Variants in FBXO15 observed in about 807,000 individuals in gnomAD.
The protein encoded by FBXO15 is F-box only protein 15.
FBXO15 carries 30 observed loss-of-function variants against 49.5 expected under a neutral mutation model. The ratio of observed to expected loss-of-function variants is 0.61; its 90% CI spans 0.45 to 0.82. The LOEUF is 0.82. Among genes scored for constraint, FBXO15 ranks in the 40% least tolerant of loss-of-function variants. The pLI, the probability that FBXO15 is intolerant of heterozygous loss-of-function variation, is 0.00. For synonymous variants in FBXO15, 250 were observed against 232.7 expected, an observed-to-expected ratio of 1.07 and a Z score of -0.68; for missense variants, 591 against 631.5, an observed-to-expected ratio of 0.94 and a Z score of 0.69.
intron 8 of FBXO15, among the ~76,000 whole-genome samples, chr18:74,103,056 A>G (rs2145148962): frequency 6.6e-6 from 1 of 152,180 alleles, no homozygotes; most frequent in East Asian, 1.9e-4. Context: ...CCACTAAATA[A>G]CTTACTCATG....
chr18:74,094,644 C>A (rs151106851), intron 8 of FBXO15, among the ~76,000 whole-genome samples: 10 of 152,172 alleles, frequency 6.6e-5, no homozygotes, highest in Non-Finnish European at 1.5e-4. Flanking sequence ...GCTGTCATCT[C>A]GGCTGTGTTG....
At chr18:74,122,318 C>A (rs755396222) in intron 8 of FBXO15, among the ~76,000 whole-genome samples, 4 of 152,230 alleles carry the variant, frequency 2.6e-5, no homozygotes, top group African/African-American at 7.2e-5. Context: ...GTATTGGGTT[C>A]CAGCACATTA....
chr18:74,110,194 C>CATGT (rs144493909), intron 8 of FBXO15, among the ~76,000 whole-genome samples: 1 of 143,606 alleles, frequency 7.0e-6, no homozygotes. Context: ...CATATGTGTG[C>CATGT]ATATATATAT....
chr18:74,128,983 T>A (rs1421933352), intron 5 of FBXO15, among the ~76,000 whole-genome samples: 1 of 152,200 alleles, frequency 6.6e-6, no homozygotes, highest in East Asian at 1.9e-4. Context: ...CAAGATCACA[T>A]ATCTAGTAAG....
At chr18:74,121,163 G>C (rs1417738818) in intron 8 of FBXO15, among the ~76,000 whole-genome samples, 1 of 152,096 alleles carries the variant, frequency 6.6e-6, no homozygotes, top group African/African-American at 2.4e-5. Context: ...TGAAAGAAAA[G>C]GAAACTGTAG....
intron 8 of FBXO15, among the ~76,000 whole-genome samples, chr18:74,096,646 C>CA (rs796071138): frequency 0.01 from 1,305 of 128,250 alleles, 5 homozygotes; most frequent in African/African-American, 0.021. Context: ...CCAAAGCAAA[C>CA]AAAAAAAAAA....
chr18:74,102,920 G>A (rs112598386), intron 8 of FBXO15, among the ~76,000 whole-genome samples: 112 of 152,092 alleles, frequency 7.4e-4, no homozygotes, highest in African/African-American at 2.2e-3. Context: ...ATGCAAAGGC[G>A]TAATGACACA....
intron 8 of FBXO15, among the ~76,000 whole-genome samples, chr18:74,100,967 T>C (rs570445056): frequency 3.0e-4 from 46 of 152,290 alleles, no homozygotes; most frequent in African/African-American, 9.6e-4. Flanking sequence ...CACAGCTGAA[T>C]TCTACCAGAC....
intron 8 of FBXO15, among the ~76,000 whole-genome samples, chr18:74,088,881 G>T (rs1031913604): frequency 1.1e-4 from 16 of 152,162 alleles, no homozygotes; most frequent in African/African-American, 3.4e-4. Context: ...TCACTGAGCA[G>T]TGTTTTGTAA....
intron 8 of FBXO15, among the ~76,000 whole-genome samples, chr18:74,087,455 T>C (rs1349695404): frequency 6.6e-6 from 1 of 152,216 alleles, no homozygotes; most frequent in Non-Finnish European, 1.5e-5. Flanking sequence ...ATGTACTCTA[T>C]GTTTAGCTTT....
At chr18:74,104,112 A>C (rs966563990) in intron 8 of FBXO15, among the ~76,000 whole-genome samples, 3 of 152,106 alleles carry the variant, frequency 2.0e-5, no homozygotes, top group Non-Finnish European at 4.4e-5. Context: ...GAGACAACTA[A>C]AGGTCAAAAC....
chr18:74,126,105 T>C lies in FBXO15; in HGVS notation c.786-4A>G, dbSNP rs772028051. The C allele has an allele frequency of 2.5e-6, 4 of 1,613,324 alleles. No individual in the cohort carries two copies. In the Admixed American group the frequency reaches 6.7e-5, roughly 27 times the overall value. On this transcript the variant is annotated splice_region_variant and splice_polypyrimidine_tract_variant and intron_variant, in intron 5 of 9. Transcript: ENST00000419743. ...AATTAAAGAATGCCATCGGAGTCTT[T>C]GAACGTTATGCCAAGGAAAGGAGAG...
Position 74,124,539 on chromosome 18 carries a change from A to C in FBXO15, c.945T>G (p.Asn315Lys), listed in dbSNP as rs771657786. Residue 315 changes from asparagine (N) to lysine (K), a missense_variant, in exon 7 of 10, where the codon AAT (asparagine) becomes AAG (lysine). Transcript: ENST00000419743. ...TCTCCACAAGGTGATGAAAATGAAG[A>C]TTTGCCATAACAAAAGCCAGTTCTT... ...KEEELAFVMANLHFHHLVERS... is the reference protein window; with the variant it reads ...KEEELAFVMAKLHFHHLVERS... 1 of 1,614,120 alleles carries C rather than the reference A, an allele frequency of 6.2e-7. No individual in the cohort carries two copies. Among genetic ancestry groups the C allele is most frequent in the Non-Finnish European group, 8.5e-7 (1 of 1,180,022 alleles).
intron 9 of FBXO15, chr18:74,076,644 A>G (rs918968755): frequency 2.6e-5 from 4 of 152,238 alleles, no homozygotes; most frequent in African/African-American, 7.2e-5. Context: ...GGAGGCAGCC[A>G]TCTAACTGAT....
At chr18:74,101,933 T>C (rs752600473) in intron 8 of FBXO15, among the ~76,000 whole-genome samples, 1 of 152,038 alleles carries the variant, frequency 6.6e-6, no homozygotes, top group African/African-American at 2.4e-5. Context: ...TGAAATGGGA[T>C]CCTCATCTCC....
intron 8 of FBXO15, among the ~76,000 whole-genome samples, chr18:74,090,113 C>T (rs927845196): frequency 2.0e-5 from 3 of 152,084 alleles, no homozygotes; most frequent in Admixed American, 6.5e-5. Context: ...CTGATCTGTT[C>T]AGGGATTCAA....
At chr18:74,128,337 A>G (rs186516310) in intron 5 of FBXO15, among the ~76,000 whole-genome samples, 72 of 151,510 alleles carry the variant, frequency 4.8e-4, no homozygotes, top group African/African-American at 1.5e-3. Flanking sequence ...AGAGCTGCAA[A>G]AAAAAAAAAA....
intron 8 of FBXO15, among the ~76,000 whole-genome samples, chr18:74,090,069 C>T (rs969262665): frequency 9.2e-5 from 14 of 152,172 alleles, no homozygotes; most frequent in East Asian, 1.9e-4. Context: ...GGTTGGCAGG[C>T]TTTTTATTAC....
At chr18:74,090,088 T>C (rs981962073) in intron 8 of FBXO15, among the ~76,000 whole-genome samples, 1 of 152,188 alleles carries the variant, frequency 6.6e-6, no homozygotes, top group African/African-American at 2.4e-5. Flanking sequence ...ACTGATTCAA[T>C]TTTTGAACTC....
Sources: allele counts gnomAD v4.1 joint callset (sites outside exome capture counted in the v4.1 genomes callset), GRCh38; gene constraint gnomAD v4.1.1; transcripts MANE v1.5; gene names NCBI Gene and HGNC (gene_info 2026-07-23, HGNC 2026-07-21).